KIAA1328: variants seen among roughly 807,000 people sequenced by gnomAD.
KIAA1328 encodes protein hinderin.
Under a neutral mutation model 68.1 loss-of-function variants are expected in KIAA1328, and 52 were observed. The observed-to-expected ratio is 0.76, with a 90% CI of 0.61 to 0.96. The LOEUF (loss-of-function observed/expected upper bound fraction) is 0.96. Among genes scored for constraint, KIAA1328 ranks in the 40% least tolerant of loss-of-function variants. KIAA1328 has a pLI of 0.00. For missense variants in KIAA1328, 641 were observed against 677.6 expected, an observed-to-expected ratio of 0.95 and a Z score of 0.60; for synonymous variants, 232 against 239.4, an observed-to-expected ratio of 0.97 and a Z score of 0.28.
intron 6 of KIAA1328, among the ~76,000 whole-genome samples, chr18:36,995,979 C>T (rs1025550285): frequency 2.0e-5 from 3 of 152,112 alleles, no homozygotes; most frequent in African/African-American, 7.2e-5. Context: ...GTTTATTGGT[C>T]ACTTCTCTAT....
chr18:36,990,821 A>G (rs1175191236), intron 6 of KIAA1328, among the ~76,000 whole-genome samples: 1 of 152,174 alleles, frequency 6.6e-6, no homozygotes, highest in African/African-American at 2.4e-5. Context: ...CTCAAAGAGT[A>G]TAAAAAAATG....
chr18:37,212,561 G>C (rs1034694779), intron 9 of KIAA1328, among the ~76,000 whole-genome samples: 1 of 152,064 alleles, frequency 6.6e-6, no homozygotes, highest in African/African-American at 2.4e-5. Flanking sequence ...AAAGCATGAA[G>C]GGTAATAGTA....
At chr18:36,829,397 G>A in intron 1 of KIAA1328, 1 of 1,355,900 alleles carries the variant, frequency 7.4e-7, no homozygotes, top group Non-Finnish European at 9.4e-7. Context: ...ACTGTCTGCA[G>A]GTGTGGGGAC....
chr18:37,201,226 GA>G (rs1238478697), intron 9 of KIAA1328, among the ~76,000 whole-genome samples: 1 of 152,196 alleles, frequency 6.6e-6, no homozygotes, highest in Non-Finnish European at 1.5e-5. Context: ...TTAGTAATTT[GA>G]ATGGTAGAAG....
intron 6 of KIAA1328, among the ~76,000 whole-genome samples, chr18:37,014,730 A>C (rs1403062082): frequency 6.6e-6 from 1 of 152,058 alleles, no homozygotes; most frequent in Non-Finnish European, 1.5e-5. Flanking sequence ...GACAGTACCA[A>C]GGGGGAAATC....
chr18:37,006,688 G>C (rs780611936), intron 6 of KIAA1328, among the ~76,000 whole-genome samples: 1 of 151,872 alleles, frequency 6.6e-6, no homozygotes, highest in Non-Finnish European at 1.5e-5. Context: ...CCCATGACAG[G>C]CCCCGGTGTG....
At chr18:37,103,734 A>G (rs903213589) in intron 7 of KIAA1328, among the ~76,000 whole-genome samples, 2 of 152,086 alleles carry the variant, frequency 1.3e-5, no homozygotes, top group Non-Finnish European at 2.9e-5. Flanking sequence ...AGTAGAAGAA[A>G]GTATATACAA....
intron 7 of KIAA1328, among the ~76,000 whole-genome samples, chr18:37,112,679 G>A (rs1024228100): frequency 6.6e-6 from 1 of 152,184 alleles, no homozygotes; most frequent in Non-Finnish European, 1.5e-5. Context: ...AGAGAAGAAG[G>A]CTTCAGAAGA....
At chr18:37,220,162 T>G (rs1222079582) in intron 9 of KIAA1328, among the ~76,000 whole-genome samples, 1 of 152,222 alleles carries the variant, frequency 6.6e-6, no homozygotes, top group Non-Finnish European at 1.5e-5. Context: ...AAGATTTAAC[T>G]CTTCATACAC....
rs1287433637 is a variant in KIAA1328, at chr18:37,008,628, T to TATATA, written c.576+49196_576+49197insTAATA. On this transcript the variant is annotated intron_variant, in intron 6 of 9. Coordinates refer to ENST00000280020, the MANE Select transcript of KIAA1328 (RefSeq NM_020776.3). ...CAGACAAAGACTTTAAAGCAGCTAT[T>TATATA]ATAGCAGTTATCGATAGCATAAAGG... Among the ~76,000 whole-genome samples the TATATA allele has an allele frequency of 2.0e-5, 3 of 152,326 alleles. No homozygotes were observed. The East Asian group carries it at 5.8e-4, about 29-fold the overall frequency.
At chr18:37,044,645 A>C (rs539699533) in intron 6 of KIAA1328, among the ~76,000 whole-genome samples, 76 of 152,006 alleles carry the variant, frequency 5.0e-4, no homozygotes, top group African/African-American at 1.7e-3. Context: ...AAAATACAAA[A>C]AAAAATTAGC....
intron 6 of KIAA1328, among the ~76,000 whole-genome samples, chr18:36,986,161 G>T (rs925076927): frequency 1.4e-5 from 2 of 145,512 alleles, no homozygotes; most frequent in African/African-American, 5.0e-5. Flanking sequence ...TTCACAGCAG[G>T]TTTTTTTTTT....
intron 9 of KIAA1328, among the ~76,000 whole-genome samples, chr18:37,187,877 A>G (rs1181939025): frequency 1.3e-5 from 2 of 152,190 alleles, no homozygotes; most frequent in African/African-American, 2.4e-5. Context: ...ACAGTCATGT[A>G]CTTAGTGCCT....
chr18:36,839,767 C>T (rs1173045076), intron 3 of KIAA1328, among the ~76,000 whole-genome samples: 1 of 152,120 alleles, frequency 6.6e-6, no homozygotes, highest in African/African-American at 2.4e-5. Flanking sequence ...GGTAATTTTG[C>T]CCATTGTAGG....
chr18:36,968,906 T>C (rs2052054425), intron 6 of KIAA1328, among the ~76,000 whole-genome samples: 1 of 152,082 alleles, frequency 6.6e-6, no homozygotes, highest in Admixed American at 6.6e-5. Flanking sequence ...CTGCAGCAAA[T>C]GCAAAAGAAC....
chr18:37,106,070 A>G (rs1027247578), intron 7 of KIAA1328, among the ~76,000 whole-genome samples: 4 of 152,036 alleles, frequency 2.6e-5, no homozygotes, highest in African/African-American at 9.7e-5. Context: ...GTCTATATGA[A>G]TATTCATAGC....
intron 5 of KIAA1328, among the ~76,000 whole-genome samples, chr18:36,953,995 C>CTTTTGTTTTTTTTT (rs759857868): frequency 8.8e-6 from 1 of 113,548 alleles, no homozygotes; most frequent in Non-Finnish European, 1.7e-5. Flanking sequence ...CTGATTGTTT[C>CTTTTGTTTTTTTTT]TTTTTTTTTT....
intron 7 of KIAA1328, among the ~76,000 whole-genome samples, chr18:37,136,999 C>T (rs1193478378): frequency 6.6e-6 from 1 of 152,190 alleles, no homozygotes; most frequent in African/African-American, 2.4e-5. Flanking sequence ...GTTGCTGCTG[C>T]TTCTGGACAG....
chr18:37,136,858 A>G (rs1199924502), intron 7 of KIAA1328, among the ~76,000 whole-genome samples: 17 of 152,248 alleles, frequency 1.1e-4, no homozygotes, highest in Admixed American at 1.1e-3. Flanking sequence ...TGAAGGTCAT[A>G]CAGAAATTCT....
Sources: gnomAD v4.1 joint callset for allele counts (sites outside exome capture counted in the v4.1 genomes callset) on GRCh38, gnomAD v4.1.1 for gene constraint, MANE v1.5 for transcripts, NCBI Gene and HGNC (gene_info 2026-07-23, HGNC 2026-07-21) for gene names.